OGG1: variants seen among roughly 807,000 people sequenced by gnomAD.
The protein encoded by OGG1 is 8-oxoguanine DNA glycosylase.
A neutral mutation model predicts 42.3 loss-of-function variants in OGG1; 35 were observed. That is an observed-to-expected ratio of 0.83 (90% CI 0.63 to 1.10). The LOEUF is 1.10. Among genes scored for constraint, OGG1 ranks in the 50% least tolerant of loss-of-function variants. The pLI is 0.00. For missense variants in OGG1, 484 were observed against 446.7 expected, an observed-to-expected ratio of 1.08 and a Z score of -0.75; for synonymous variants, 189 against 179.0, an observed-to-expected ratio of 1.06 and a Z score of -0.44.
chr3:9,778,626 G>T (rs2078395436), intron 2 of OGG1, among the ~76,000 whole-genome samples: 1 of 152,166 alleles, frequency 6.6e-6, no homozygotes, highest in African/African-American at 2.4e-5. Context: ...CACTGGGGTA[G>T]ACTGAGTTTA....
intron 3 of OGG1, among the ~76,000 whole-genome samples, chr3:9,753,436 A>C (rs1199699810): frequency 6.6e-6 from 1 of 151,556 alleles, no homozygotes; most frequent in Non-Finnish European, 1.5e-5. Flanking sequence ...GTGGATCACG[A>C]GGTCAGGAGA....
At chr3:9,786,760 C>T (rs886898123) in intron 3 of OGG1, among the ~76,000 whole-genome samples, 5 of 152,182 alleles carry the variant, frequency 3.3e-5, no homozygotes, top group African/African-American at 4.8e-5. Context: ...ATTTTGTAAT[C>T]TCCAGGCTGG....
chr3:9,756,859 G>A (rs565896568), intron 6 of OGG1, 43 bp downstream of exon 6: 277 of 1,612,700 alleles, frequency 1.7e-4, no homozygotes, highest in Non-Finnish European at 2.3e-4. Context: ...CTCTCCTCCA[G>A]CCCAGACCCA....
downstream of OGG1, chr3:9,758,019 TAC>T (rs148476977): frequency 1.7e-4 from 158 of 946,164 alleles, no homozygotes; most frequent in South Asian, 4.7e-4. Flanking sequence ...ATTATATATT[TAC>T]ACACACACAC....
intron 2 of OGG1, among the ~76,000 whole-genome samples, chr3:9,773,096 G>A (rs1341857648): frequency 6.6e-6 from 1 of 152,038 alleles, no homozygotes; most frequent in Non-Finnish European, 1.5e-5. Flanking sequence ...GGGTGTGGTG[G>A]CATGCACCTG....
chr3:9,757,435 TGAG>T, downstream of OGG1: 3 of 1,607,076 alleles, frequency 1.9e-6, no homozygotes, highest in Middle Eastern at 1.7e-4. The surrounding 1 kb of genome is among the most constrained non-coding windows in gnomAD (Gnocchi z 4.5). Flanking sequence ...GGGAAGCAGG[TGAG>T]GAGGGGACAG....
At chr3:9,753,381 G>T (rs1036063470) in intron 3 of OGG1, among the ~76,000 whole-genome samples, 1 of 150,524 alleles carries the variant, frequency 6.6e-6, no homozygotes, top group Non-Finnish European at 1.5e-5. Flanking sequence ...GGCCGGGCGT[G>T]GTGGCTCACA....
At chr3:9,762,819 T>C (rs1225489272) in intron 7 of OGG1, 2 of 1,222,012 alleles carry the variant, frequency 1.6e-6, no homozygotes, top group African/African-American at 1.5e-5. Flanking sequence ...CAAGGCTCAG[T>C]GAGGGGGTGA....
At position 9,787,116 on chromosome 3, in the gene OGG1, G is replaced by A. The variant is rs372908813; in HGVS notation, c.383-612G>A. On this transcript the variant is annotated intron_variant, in intron 3 of 3. Transcript: ENST00000426518. ...TTCAGCAGGGCATCCACATCTAAGC[G>A]GGCACAGGAAAGGAGGGGAGGTGGG... 1.9e-5 allele frequency: 30 copies of A among 1,614,160 alleles called. No individual in the cohort carries two copies. In the East Asian group the frequency reaches 3.6e-4, roughly 19 times the overall value.
intron 2 of OGG1, among the ~76,000 whole-genome samples, chr3:9,776,265 C>T (rs576714936): frequency 2.6e-4 from 40 of 152,284 alleles, no homozygotes; most frequent in African/African-American, 9.6e-4. Context: ...TTATCTTCTG[C>T]CCAGCAATTT....
At chr3:9,788,085 T>C (rs1454187829) in exon 4 of OGG1, 2 of 227,742 alleles carry the variant, frequency 8.8e-6, no homozygotes, top group Non-Finnish European at 1.8e-5. Context: ...ATCCTGTAGA[T>C]AACGGGAGGA....
chr3:9,752,166 A>G (rs1331302812), intron 3 of OGG1: 7 of 598,484 alleles, frequency 1.2e-5, no homozygotes, highest in Non-Finnish European at 2.1e-5. Context: ...CAATGGGTTC[A>G]ATGCCTAATC....
chr3:9,750,511 G>T, intron 1 of OGG1, 88 bp downstream of exon 1: 1 of 1,577,450 alleles, frequency 6.3e-7, no homozygotes, highest in Non-Finnish European at 8.6e-7. Flanking sequence ...AGGAATTTGG[G>T]GGATGATGGA....
intron 7 of OGG1, among the ~76,000 whole-genome samples, chr3:9,764,374 A>G (rs535023125): frequency 1.1e-4 from 16 of 152,036 alleles, no homozygotes; most frequent in African/African-American, 3.9e-4. Context: ...GTGCAATGGC[A>G]TGATCTTGGC....
chr3:9,764,626 TTG>T (rs1324961888), intron 7 of OGG1, among the ~76,000 whole-genome samples: 7,186 of 126,010 alleles, frequency 0.057, 619 homozygotes, highest in African/African-American at 0.1. Flanking sequence ...TGTTTTTTTT[TTG>T]TTTTTTTTTT....
chr3:9,767,620 C>T (rs941674312), downstream of OGG1: 5 of 1,610,914 alleles, frequency 3.1e-6, no homozygotes, highest in African/African-American at 5.3e-5. Flanking sequence ...CCACCCTGGA[C>T]TCAGCCTCCC....
At chr3:9,783,934 T>C in intron 3 of OGG1, 2 of 1,449,634 alleles carry the variant, frequency 1.4e-6, no homozygotes. Flanking sequence ...CCAGCCAGGA[T>C]TGGAAAGCCT....
At chr3:9,761,094 A>G (rs2077844457), downstream of OGG1, 5 of 348,854 alleles carry the variant, frequency 1.4e-5, no homozygotes, top group Non-Finnish European at 2.7e-5. Flanking sequence ...CCCTACTGAA[A>G]TGGCATCACC....
At chr3:9,780,586 C>A in intron 2 of OGG1, 1 of 1,574,816 alleles carries the variant, frequency 6.3e-7, no homozygotes, top group East Asian at 2.3e-5. Context: ...AGGGTCAGCC[C>A]ACCTCCAGAG....
Sources: allele counts gnomAD v4.1 joint callset (sites outside exome capture counted in the v4.1 genomes callset), GRCh38; gene constraint gnomAD v4.1.1; non-coding constraint Gnocchi (gnomAD v3.1); transcripts MANE v1.5; gene names NCBI Gene and HGNC (gene_info 2026-07-23, HGNC 2026-07-21).